The following DHDDS variants were observed in gnomAD, a reference collection of about 807,000 sequenced individuals.
The protein encoded by DHDDS is dehydrodolichyl diphosphate synthase complex subunit DHDDS.
A neutral mutation model predicts 46.2 loss-of-function variants in DHDDS; 16 were observed. That is an observed-to-expected ratio of 0.35 (90% CI 0.23 to 0.53). The LOEUF is 0.53. Ranked by LOEUF, DHDDS falls within the 20% of genes least tolerant of loss-of-function variation. The pLI is 0.94. For missense variants in DHDDS, 340 were observed against 423.7 expected (o/e 0.80, Z 1.73); for synonymous variants, 151 against 163.1 (o/e 0.93, Z 0.56).
chr1:26,464,901 G>A (rs1045930208), intron 8 of DHDDS, among the ~76,000 whole-genome samples: 3 of 152,230 alleles, frequency 2.0e-5, no homozygotes, highest in Non-Finnish European at 4.4e-5. Flanking sequence ...GCAGCGGGTG[G>A]ATCGTAAGGG....
chr1:26,465,317 T>TA (rs1290116295), intron 8 of DHDDS, among the ~76,000 whole-genome samples: 1 of 152,210 alleles, frequency 6.6e-6, no homozygotes, highest in Non-Finnish European at 1.5e-5. Flanking sequence ...AGGTTGTCAC[T>TA]ATCTTCTCCT....
chr1:26,446,471 C>T (rs1236969030), intron 5 of DHDDS, 39 bp downstream of exon 5: 1 of 1,584,706 alleles, frequency 6.3e-7, no homozygotes, highest in Non-Finnish European at 8.7e-7. Context: ...CTGTTTCAAT[C>T]TTTGATTCCC....
intron 8 of DHDDS, among the ~76,000 whole-genome samples, chr1:26,463,025 A>G (rs2075440971): frequency 6.6e-6 from 1 of 152,254 alleles, no homozygotes; most frequent in African/African-American, 2.4e-5. Flanking sequence ...AAAGAGGTCA[A>G]TGTGCCAAGG....
At chr1:26,435,981 C>T (rs1252756614) in intron 2 of DHDDS, among the ~76,000 whole-genome samples, 1 of 152,068 alleles carries the variant, frequency 6.6e-6, no homozygotes, top group Non-Finnish European at 1.5e-5. Context: ...AACTCCTGAC[C>T]TCAAGTGATC....
At chr1:26,462,079 G>GAAA (rs57281620) in intron 8 of DHDDS, among the ~76,000 whole-genome samples, 3,373 of 138,642 alleles carry the variant, frequency 0.024, 117 homozygotes, top group African/African-American at 0.086. Flanking sequence ...TTTTTTTTTA[G>GAAA]CAGGGTCTCA....
At position 26,454,891 on chromosome 1, in the gene DHDDS, C is replaced by G. The variant is rs559080737; in HGVS notation, c.543-2900C>G. The stretch of plus-strand genomic sequence containing the variant: ...TTAAACCCTTAAGTTCAGCATTACT[C>G]TCTGCATTTTTAAGCATGTGCAGCA... On this transcript the variant is annotated intron_variant, in intron 6 of 8. Transcript: ENST00000236342. 5.0e-6 allele frequency: 8 copies of G among 1,596,612 alleles called. No homozygotes were observed. The South Asian group carries it at 6.6e-5, about 13-fold the overall frequency.
intron 2 of DHDDS, 67 bp downstream of exon 2, chr1:26,433,075 T>G: frequency 6.5e-7 from 1 of 1,546,898 alleles, no homozygotes; most frequent in Non-Finnish European, 8.9e-7. Flanking sequence ...AAAAACCTGT[T>G]ATTAAAGTTG....
At position 26,469,182 on chromosome 1, in the gene DHDDS, A is replaced by G. The variant is rs778664841; in HGVS notation, c.*51A>G. On this transcript the variant is annotated 3_prime_UTR_variant, in exon 9 of 9. Transcript: ENST00000236342. ...CCCTGCCCTCTGCCTCCAGGGCTCC[A>G]CTCCCCTTCCTTTTCTTGGTGAAAG... 3 of 1,608,600 alleles carry G rather than the reference A, an allele frequency of 1.9e-6. No homozygotes were observed. The highest frequency in any genetic ancestry group is 4.4e-4 in the Middle Eastern group (2 of 4,502).
At chr1:26,437,681 G>A (rs978223397) in intron 2 of DHDDS, among the ~76,000 whole-genome samples, 2 of 151,864 alleles carry the variant, frequency 1.3e-5, no homozygotes, top group African/African-American at 4.8e-5. Context: ...TCGCCATGTT[G>A]GCCAGGCTGG....
At chr1:26,454,309 G>A (rs2075350149) in intron 6 of DHDDS, among the ~76,000 whole-genome samples, 1 of 152,018 alleles carries the variant, frequency 6.6e-6, no homozygotes, top group Non-Finnish European at 1.5e-5. Context: ...GGAATGCACT[G>A]GCACAATATC....
chr1:26,453,798 A>G (rs2075343776), intron 6 of DHDDS, among the ~76,000 whole-genome samples: 1 of 152,182 alleles, frequency 6.6e-6, no homozygotes, highest in Non-Finnish European at 1.5e-5. Flanking sequence ...GTAAAAACTG[A>G]TATTTTACCG....
chr1:26,455,187 T>G, intron 6 of DHDDS: 1 of 751,936 alleles, frequency 1.3e-6, no homozygotes, highest in Non-Finnish European at 2.5e-6. Context: ...TAGTGAACCA[T>G]TTTCACAGAT....
intron 8 of DHDDS, chr1:26,463,269 G>C (rs1172199250): frequency 6.6e-6 from 1 of 152,194 alleles, no homozygotes; most frequent in Non-Finnish European, 1.5e-5. Flanking sequence ...TAGGGAAGGG[G>C]AGGAGTGAAG....
rs533763859 is a variant in DHDDS, at chr1:26,465,534, C to T, written c.766-3361C>T. ...CTATATGACTGTACAGTTACTTAAC[C>T]CCTCAGAGTATCATTTTCCTCACCT... On this transcript the variant is annotated intron_variant, in intron 8 of 8. Transcript: ENST00000236342. Among the ~76,000 whole-genome samples the T allele has an allele frequency of 2.0e-5, 3 of 152,186 alleles. No individual in the cohort carries two copies. In the East Asian group the frequency reaches 5.8e-4, roughly 29 times the overall value.
At position 26,457,419 on chromosome 1, in the gene DHDDS, G is replaced by A. The variant is rs556419335; in HGVS notation, c.543-372G>A. On this transcript the variant is annotated intron_variant, in intron 6 of 8. Coordinates refer to ENST00000236342, the MANE Select transcript of DHDDS (RefSeq NM_205861.3). ...TGGGAGGCAGAGTTTGCAGTGAGCC[G>A]AGATCGTGCCACTGCACTCCAGCCT... is the stretch of plus-strand genomic sequence containing the variant. 6.6e-5 allele frequency among the ~76,000 whole-genome samples: 10 copies of A among 151,826 alleles called. No individual in the cohort carries two copies. The South Asian group carries it at 1.5e-3, about 22-fold the overall frequency.
intron 6 of DHDDS, among the ~76,000 whole-genome samples, chr1:26,457,074 C>G (rs1284896293): frequency 2.0e-5 from 3 of 152,144 alleles, no homozygotes; most frequent in Non-Finnish European, 4.4e-5. Context: ...TTTGTGGGTG[C>G]ATCTGGTTTT....
chr1:26,447,941 C>A, intron 6 of DHDDS: 1 of 588,878 alleles, frequency 1.7e-6, no homozygotes, highest in Non-Finnish European at 3.0e-6. Context: ...AGGGGATCTC[C>A]CAAATTTAGA....
chr1:26,457,968 G>A (rs1468948789), intron 7 of DHDDS, 63 bp downstream of exon 7: 2 of 1,433,574 alleles, frequency 1.4e-6, no homozygotes, highest in East Asian at 4.6e-5. Context: ...TCCACAGAAT[G>A]GATCAGAGTG....
intron 3 of DHDDS, among the ~76,000 whole-genome samples, chr1:26,440,927 C>CTTT (rs964765345): frequency 7.0e-6 from 1 of 142,860 alleles, no homozygotes. Context: ...AAGTTTTCTT[C>CTTT]TTTTTTTTTT....
Sources: allele counts gnomAD v4.1 joint callset (sites outside exome capture counted in the v4.1 genomes callset), GRCh38; gene constraint gnomAD v4.1.1; transcripts MANE v1.5; gene names NCBI Gene and HGNC (gene_info 2026-07-23, HGNC 2026-07-21).